COL4A5: variants seen among roughly 807,000 people sequenced by gnomAD.
COL4A5 encodes collagen type IV alpha 5 chain.
Under a neutral mutation model 130.2 loss-of-function variants are expected in COL4A5, and 26 were observed. The observed-to-expected ratio is 0.20, with a 90% CI of 0.15 to 0.28. COL4A5 has a LOEUF of 0.28. COL4A5 is among the 10% of genes least tolerant of loss of function. The pLI, the probability that COL4A5 is intolerant of heterozygous loss-of-function variation, is 1.00. For synonymous variants in COL4A5, 496 were observed against 439.6 expected (o/e 1.13, Z -1.60); for missense variants, 1,131 against 1,344.3 (o/e 0.84, Z 2.48).
At position 108,486,054 on chromosome X, in the gene COL4A5, G is replaced by C. The variant is rs747973497; in HGVS notation, c.81+45848G>C. 6.3e-5 allele frequency among the ~76,000 whole-genome samples: 7 copies of C among 111,928 alleles called. No individual in the cohort carries two copies. In the South Asian group the frequency reaches 1.9e-3, roughly 30 times the overall value. On this transcript the variant is annotated intron_variant, in intron 1 of 52. Transcript: ENST00000328300. ...CTCCCACTGTAGGCGGGTGTCAGCT[G>C]TGTTCAGCCTTGTTTTGCTTTCTGC...
chrX:108,510,207 A>G (rs1015871813), intron 1 of COL4A5, among the ~76,000 whole-genome samples: 3 of 111,487 alleles, frequency 2.7e-5, no homozygotes, highest in African/African-American at 9.8e-5. Context: ...ATTGGATACT[A>G]GGCTTACTAC....
intron 50 of COL4A5, chrX:108,694,581 A>G (rs1258428919): frequency 7.1e-6 from 3 of 423,125 alleles, no homozygotes; most frequent in East Asian, 4.0e-5. Context: ...TTAAAAGGCC[A>G]TTGCACTGGT....
intron 39 of COL4A5, 88 bp from the exon 40 acceptor site, chrX:108,667,045 A>G (rs1348822362): frequency 1.2e-6 from 1 of 851,469 alleles, no homozygotes; most frequent in Non-Finnish European, 1.8e-6. Flanking sequence ...CCTAATGAAA[A>G]CCTCAATGAT....
chrX:108,672,649 G>A (rs972436142), intron 42 of COL4A5, among the ~76,000 whole-genome samples: 1 of 111,611 alleles, frequency 9.0e-6, no homozygotes, highest in South Asian at 3.7e-4. Context: ...AAAAAAAATT[G>A]ACTTGGCATA....
chrX:108,598,669 A>G (rs757061427), intron 24 of COL4A5, 33 bp from the exon 25 acceptor site: 2 of 1,162,936 alleles, frequency 1.7e-6, no homozygotes, highest in African/African-American at 1.8e-5. Flanking sequence ...TGTTGTATCT[A>G]TATGTTTCTG....
At chrX:108,615,083 A>C in intron 30 of COL4A5, 59 bp downstream of exon 30, 23 of 827,560 alleles carry the variant, frequency 2.8e-5, no homozygotes, top group South Asian at 4.2e-5. Flanking sequence ...TTGTTAGCTC[A>C]TCAATAAAGT....
intron 42 of COL4A5, among the ~76,000 whole-genome samples, chrX:108,674,102 A>G (rs1378133650): frequency 9.0e-6 from 1 of 110,855 alleles, no homozygotes; most frequent in Non-Finnish European, 1.9e-5. Flanking sequence ...GTGAATTATG[A>G]AAAAAATCAG....
At chrX:108,692,091 CA>C (rs1909094813) in intron 49 of COL4A5, among the ~76,000 whole-genome samples, 1 of 111,921 alleles carries the variant, frequency 8.9e-6, no homozygotes, top group African/African-American at 3.2e-5. Context: ...GTGCATTTTT[CA>C]TCATTCTTTT....
At chrX:108,617,445 C>G (rs886434435) in intron 30 of COL4A5, among the ~76,000 whole-genome samples, 1 of 111,494 alleles carries the variant, frequency 9.0e-6, no homozygotes, top group African/African-American at 3.3e-5. Context: ...CCTTTGAACT[C>G]CAGTTTTCTA....
chrX:108,508,918 T>C (rs1160920462), intron 1 of COL4A5, among the ~76,000 whole-genome samples: 2 of 111,971 alleles, frequency 1.8e-5, no homozygotes, highest in Non-Finnish European at 3.8e-5. Context: ...ACTCAAAATG[T>C]ATTAAACAAT....
chrX:108,442,392 A>T (rs2064411119), intron 1 of COL4A5, among the ~76,000 whole-genome samples: 1 of 111,787 alleles, frequency 8.9e-6, no homozygotes, highest in African/African-American at 3.3e-5. Flanking sequence ...GGAATAAAGT[A>T]ACCTCTATGC....
At chrX:108,671,039 GA>G (rs1029104697) in intron 42 of COL4A5, among the ~76,000 whole-genome samples, 5 of 106,710 alleles carry the variant, frequency 4.7e-5, no homozygotes, top group Non-Finnish European at 9.7e-5. Flanking sequence ...TAGGCACAGA[GA>G]AAAAAAAAAT....
intron 1 of COL4A5, among the ~76,000 whole-genome samples, chrX:108,480,935 G>C (rs184552078): frequency 8.9e-6 from 1 of 112,136 alleles, no homozygotes; most frequent in African/African-American, 3.2e-5. Context: ...TCTAGGTAGA[G>C]GCTGCTCTAA....
intron 36 of COL4A5, among the ~76,000 whole-genome samples, chrX:108,653,176 T>C (rs1320518518): frequency 9.0e-6 from 1 of 111,566 alleles, no homozygotes; most frequent in Non-Finnish European, 1.9e-5. Flanking sequence ...AAATATTTAC[T>C]TTATTTTTAA....
chrX:108,525,368 C>A lies in COL4A5; in HGVS notation c.82-14378C>A, dbSNP rs188256776. Among the ~76,000 whole-genome samples the A allele has an allele frequency of 1.9e-3, 211 of 111,566 alleles. 1 individual carries two copies. The highest frequency in any genetic ancestry group is 6.7e-3 in the African/African-American group (207 of 30,776). On this transcript the variant is annotated intron_variant, in intron 1 of 52. Coordinates refer to ENST00000328300, the MANE Select transcript of COL4A5 (RefSeq NM_033380.3). ...ATTTTTCAATCCTTGTAGTTTCAAC[C>A]TTTTTGTATGTTTTAATCTAATGTG...
At chrX:108,671,698 T>G (rs1199840777) in intron 42 of COL4A5, among the ~76,000 whole-genome samples, 2 of 111,945 alleles carry the variant, frequency 1.8e-5, no homozygotes, top group African/African-American at 6.5e-5. Flanking sequence ...GGGTTCTTGT[T>G]AAACTGGCCC....
intron 1 of COL4A5, among the ~76,000 whole-genome samples, chrX:108,455,543 C>A (rs908315041): frequency 4.5e-5 from 5 of 112,069 alleles, no homozygotes; most frequent in Non-Finnish European, 9.4e-5. Context: ...AGATGTAGAA[C>A]GTTTCCATTA....
chrX:108,662,259 A>G (rs1001889196), intron 37 of COL4A5, among the ~76,000 whole-genome samples: 3 of 109,897 alleles, frequency 2.7e-5, no homozygotes, highest in Non-Finnish European at 5.7e-5. Context: ...GAAACTGGAA[A>G]CCATCATTCT....
At chrX:108,670,129 G>A in intron 41 of COL4A5, 99 bp from the exon 42 acceptor site, 3 of 905,354 alleles carry the variant, frequency 3.3e-6, no homozygotes, top group Non-Finnish European at 4.8e-6. Context: ...AGTATTTAGT[G>A]TAATGCTTTT....
Sources: allele counts gnomAD v4.1 joint callset (sites outside exome capture counted in the v4.1 genomes callset), GRCh38; gene constraint gnomAD v4.1.1; transcripts MANE v1.5; gene names NCBI Gene and HGNC (gene_info 2026-07-23, HGNC 2026-07-21).